Variants in TMC1 observed in about 807,000 individuals in gnomAD.
TMC1 encodes transmembrane channel like 1.
In TMC1, 84 loss-of-function variants were observed where a neutral mutation model predicts 105.8. The observed-to-expected ratio is 0.79, with a 90% confidence interval of 0.67 to 0.95. The LOEUF is 0.95. Among genes scored for constraint, TMC1 ranks in the 40% least tolerant of loss-of-function variants. The probability of loss-of-function intolerance (pLI) is 0.00; values close to 1 mark genes in which losing one functional copy is unlikely to be tolerated. For missense variants in TMC1, 817 were observed against 914.1 expected (o/e 0.89, Z 1.37); for synonymous variants, 315 against 311.5 (o/e 1.01, Z -0.12).
intron 8 of TMC1, among the ~76,000 whole-genome samples, chr9:72,705,138 A>G (rs1330678616): frequency 6.6e-6 from 1 of 152,196 alleles, no homozygotes; most frequent in Admixed American, 6.6e-5. Flanking sequence ...AAGAGGTCGC[A>G]GCACTTACCT....
intron 10 of TMC1, among the ~76,000 whole-genome samples, chr9:72,745,678 A>G (rs1827478533): frequency 1.3e-5 from 2 of 152,162 alleles, no homozygotes. Flanking sequence ...ACTATCTTAT[A>G]AAAAGTACCC....
chr9:72,753,679 C>A (rs761802672), intron 11 of TMC1, among the ~76,000 whole-genome samples: 39 of 152,156 alleles, frequency 2.6e-4, no homozygotes, highest in Non-Finnish European at 5.4e-4. Flanking sequence ...ACCCTGCATG[C>A]TGACTTTGCA....
intron 19 of TMC1, among the ~76,000 whole-genome samples, chr9:72,816,739 G>A (rs2118286150): frequency 6.6e-6 from 1 of 152,132 alleles, no homozygotes; most frequent in South Asian, 2.1e-4. Flanking sequence ...TGTTTTATAG[G>A]GCCATGGCAC....
chr9:72,820,247 T>C (rs1396878305), intron 19 of TMC1, among the ~76,000 whole-genome samples: 1 of 152,180 alleles, frequency 6.6e-6, no homozygotes, highest in African/African-American at 2.4e-5. Flanking sequence ...AAAGAGAAAA[T>C]GATCAACATC....
intron 12 of TMC1, among the ~76,000 whole-genome samples, chr9:72,769,720 G>A (rs59262056): frequency 0.02 from 2,971 of 152,286 alleles, 81 homozygotes; most frequent in African/African-American, 0.067. Context: ...AGTGCTAAAT[G>A]TTCACGAAAT....
chr9:72,750,179 T>A (rs943951547), intron 10 of TMC1, among the ~76,000 whole-genome samples: 1 of 152,184 alleles, frequency 6.6e-6, no homozygotes, highest in Non-Finnish European at 1.5e-5. Context: ...GCCGGCCTCA[T>A]CTAAGTAAGT....
chr9:72,835,915 G>GTTTTTCTTTT, intron 23 of TMC1, 36 bp from the exon 24 acceptor site: 3 of 1,314,682 alleles, frequency 2.3e-6, no homozygotes, highest in Admixed American at 2.2e-5. Flanking sequence ...CTCTCTCCTT[G>GTTTTTCTTTT]TTTTTTTTTT....
intron 13 of TMC1, among the ~76,000 whole-genome samples, chr9:72,778,166 T>G (rs560256632): frequency 7.9e-5 from 12 of 152,336 alleles, no homozygotes; most frequent in African/African-American, 2.4e-4. Context: ...CTACAGCTTC[T>G]TCATCCTCAA....
chr9:72,581,978 A>T (rs937414860), intron 2 of TMC1, among the ~76,000 whole-genome samples: 6 of 152,122 alleles, frequency 3.9e-5, no homozygotes, highest in African/African-American at 1.4e-4. Flanking sequence ...TTTTTTTGAG[A>T]CGGAGTTTCG....
chr9:72,715,396 A>G (rs900266919), intron 8 of TMC1, among the ~76,000 whole-genome samples: 3 of 152,156 alleles, frequency 2.0e-5, no homozygotes, highest in African/African-American at 4.8e-5. Flanking sequence ...TTTCAGGTAC[A>G]CCAATCAAAC....
intron 5 of TMC1, among the ~76,000 whole-genome samples, chr9:72,653,544 T>C (rs1382662437): frequency 1.3e-5 from 2 of 152,236 alleles, no homozygotes; most frequent in Non-Finnish European, 2.9e-5. Context: ...CATTATGCTA[T>C]TCCTTTGGCT....
intron 6 of TMC1, among the ~76,000 whole-genome samples, chr9:72,691,350 G>A (rs1250551974): frequency 6.6e-6 from 1 of 151,776 alleles, no homozygotes; most frequent in Non-Finnish European, 1.5e-5. Context: ...TGTTGTTTGG[G>A]GTATGTTTTC....
At chr9:72,541,315 C>A (rs576300253) in intron 1 of TMC1, among the ~76,000 whole-genome samples, 1 of 152,338 alleles carries the variant, frequency 6.6e-6, no homozygotes, top group East Asian at 1.9e-4. Flanking sequence ...AAATCTCATA[C>A]TTTTGAGTTA....
chr9:72,554,122 C>CT (rs1343078458), intron 1 of TMC1, among the ~76,000 whole-genome samples: 1 of 151,958 alleles, frequency 6.6e-6, no homozygotes, highest in Admixed American at 6.6e-5. Context: ...GCATTAGTGC[C>CT]TTTTTTTTCC....
intron 17 of TMC1, among the ~76,000 whole-genome samples, chr9:72,804,067 A>T (rs891144294): frequency 6.6e-6 from 1 of 152,210 alleles, no homozygotes; most frequent in Non-Finnish European, 1.5e-5. Context: ...AAGGAATGAG[A>T]TCATGTCCTT....
At chr9:72,551,869 AT>A (rs1823865085) in intron 1 of TMC1, among the ~76,000 whole-genome samples, 1 of 152,126 alleles carries the variant, frequency 6.6e-6, no homozygotes, top group Admixed American at 6.6e-5. Flanking sequence ...GATGGCAGAG[AT>A]TAGAGTGATG....
At chr9:72,653,871 T>C (rs1825848228) in intron 5 of TMC1, among the ~76,000 whole-genome samples, 2 of 152,218 alleles carry the variant, frequency 1.3e-5, no homozygotes, top group Non-Finnish European at 2.9e-5. Flanking sequence ...GAATTTCATA[T>C]TAATGGAAAT....
intron 12 of TMC1, among the ~76,000 whole-genome samples, chr9:72,768,653 T>C (rs1827876614): frequency 6.6e-6 from 1 of 151,956 alleles, no homozygotes; most frequent in Non-Finnish European, 1.5e-5. Context: ...AGAACCATTC[T>C]TGGGCTTTGG....
chr9:72,742,233 A>G (rs1482815310), intron 9 of TMC1, among the ~76,000 whole-genome samples: 1 of 152,132 alleles, frequency 6.6e-6, no homozygotes, highest in Non-Finnish European at 1.5e-5. Context: ...GGGATCGATA[A>G]ACATTTTTTT....
Sources: gnomAD v4.1 joint callset for allele counts (sites outside exome capture counted in the v4.1 genomes callset) on GRCh38, gnomAD v4.1.1 for gene constraint, MANE v1.5 for transcripts, NCBI Gene and HGNC (gene_info 2026-07-23, HGNC 2026-07-21) for gene names.